The following ASNS variants were observed in gnomAD, a reference collection of about 807,000 sequenced individuals.
ASNS encodes the protein asparagine synthetase (glutamine-hydrolyzing), also known as asparagine synthetase [glutamine-hydrolyzing].
A neutral mutation model predicts 62.6 loss-of-function variants in ASNS; 37 were observed. That is an observed-to-expected ratio of 0.59 (90% CI 0.45 to 0.78). The LOEUF is 0.78. Ranked by LOEUF, ASNS falls within the 30% of genes least tolerant of loss-of-function variation. ASNS has a pLI of 0.00. For synonymous variants in ASNS, 207 were observed against 237.9 expected, an observed-to-expected ratio of 0.87 and a Z score of 1.19; for missense variants, 520 against 682.4, an observed-to-expected ratio of 0.76 and a Z score of 2.65.
At chr7:97,922,044 T>C in the ASNS span, among the ~76,000 whole-genome samples, 1 of 152,284 alleles carries the variant, frequency 6.6e-6, no homozygotes, top group South Asian at 2.1e-4. Context: ...AAATACCACA[T>C]GATCTCACTT....
intron 10 of ASNS, among the ~76,000 whole-genome samples, 164 bp from the exon 11 acceptor site, chr7:97,853,550 T>TA (rs1189112886): frequency 6.6e-6 from 1 of 152,140 alleles, no homozygotes; most frequent in African/African-American, 2.4e-5. Context: ...AATGAATAGA[T>TA]ACAAAAAATA....
the ASNS span, among the ~76,000 whole-genome samples, chr7:97,898,073 G>T: frequency 1.8e-4 from 28 of 151,806 alleles, no homozygotes; most frequent in Non-Finnish European, 3.8e-4. Flanking sequence ...GACTACAGGC[G>T]CATGCCACCA....
the ASNS span, among the ~76,000 whole-genome samples, chr7:97,902,807 C>G: frequency 6.6e-6 from 1 of 152,320 alleles, no homozygotes; most frequent in African/African-American, 2.4e-5. Context: ...ACAGACCCTT[C>G]CAGGATATTC....
At chr7:97,875,079 C>T (rs6979333), upstream of ASNS, among the ~76,000 whole-genome samples, 290 of 150,702 alleles carry the variant, frequency 1.9e-3, no homozygotes, top group South Asian at 3.4e-3. Context: ...GACACCCTAG[C>T]GGTCAGGATG....
At chr7:97,908,515 C>G in the ASNS span, 2 of 151,850 alleles carry the variant, frequency 1.3e-5, no homozygotes, top group Admixed American at 1.3e-4. Flanking sequence ...ATTCTCCTGC[C>G]TCAGTCTCCC....
At chr7:97,859,440 CT>C in intron 4 of ASNS, 42 bp from the exon 5 acceptor site, 3 of 1,523,382 alleles carry the variant, frequency 2.0e-6, no homozygotes, top group Non-Finnish European at 2.7e-6. Context: ...TTAGGTAACC[CT>C]TCCCAATAAC....
chr7:97,912,313 C>T, the ASNS span, among the ~76,000 whole-genome samples: 3 of 152,124 alleles, frequency 2.0e-5, no homozygotes, highest in Non-Finnish European at 4.4e-5. Context: ...TGCCTAAGGT[C>T]CCTTGTGAAT....
At chr7:97,905,749 C>A in the ASNS span, among the ~76,000 whole-genome samples, 1 of 152,204 alleles carries the variant, frequency 6.6e-6, no homozygotes, top group Non-Finnish European at 1.5e-5. Context: ...CTTTATCATC[C>A]GTTCCCTTGG....
the ASNS span, chr7:97,912,950 C>T: frequency 6.6e-6 from 1 of 152,148 alleles, no homozygotes; most frequent in South Asian, 2.1e-4. Context: ...GGAAACATCA[C>T]AGACAAAGAA....
At chr7:97,859,941 C>G (rs1791636076) in intron 4 of ASNS, among the ~76,000 whole-genome samples, 1 of 152,152 alleles carries the variant, frequency 6.6e-6, no homozygotes, top group Non-Finnish European at 1.5e-5. Flanking sequence ...GTGAATAAAA[C>G]CATATAACTT....
intron 9 of ASNS, chr7:97,854,935 G>A (rs1417919055): frequency 3.8e-6 from 2 of 520,984 alleles, no homozygotes; most frequent in Non-Finnish European, 6.4e-6. Flanking sequence ...GGCAGAAAGG[G>A]GATTCTCAAG....
chr7:97,857,580 T>A (rs1328409248), intron 7 of ASNS, among the ~76,000 whole-genome samples: 1 of 146,038 alleles, frequency 6.8e-6, no homozygotes, highest in Non-Finnish European at 1.5e-5. Flanking sequence ...GGTTCCAAAG[T>A]CTGCAGTCTT....
chr7:97,856,092 G>C (rs1398837886), intron 8 of ASNS, among the ~76,000 whole-genome samples: 5 of 152,086 alleles, frequency 3.3e-5, no homozygotes, highest in African/African-American at 7.2e-5. Context: ...CTTATTTACT[G>C]TGATGTTTTG....
the ASNS span, among the ~76,000 whole-genome samples, chr7:97,923,129 A>T: frequency 6.6e-6 from 1 of 152,116 alleles, no homozygotes; most frequent in South Asian, 2.1e-4. Flanking sequence ...AAACATTAAA[A>T]CATAGATTAT....
At chr7:97,884,304 T>C in the ASNS span, among the ~76,000 whole-genome samples, 1 of 152,170 alleles carries the variant, frequency 6.6e-6, no homozygotes, top group East Asian at 1.9e-4. Context: ...ATCTCAGCAC[T>C]TTGGGAAGCT....
At chr7:97,927,914 G>A in the ASNS span, among the ~76,000 whole-genome samples, 1 of 152,380 alleles carries the variant, frequency 6.6e-6, no homozygotes, top group East Asian at 1.9e-4. Flanking sequence ...CTCTGATGCA[G>A]CCCACGGCGA....
the ASNS span, among the ~76,000 whole-genome samples, chr7:97,889,792 A>G: frequency 6.6e-6 from 1 of 151,880 alleles, no homozygotes; most frequent in African/African-American, 2.4e-5. Context: ...AGGAAACATA[A>G]CATCTCCAAA....
intron 9 of ASNS, chr7:97,854,958 T>C (rs1440291352): frequency 9.3e-6 from 4 of 430,102 alleles, no homozygotes; most frequent in Non-Finnish European, 1.6e-5. Flanking sequence ...TAAGTAGTTT[T>C]ATTTATTTAT....
At chr7:97,905,811 C>T in the ASNS span, among the ~76,000 whole-genome samples, 2 of 152,202 alleles carry the variant, frequency 1.3e-5, no homozygotes, top group Admixed American at 1.3e-4. Flanking sequence ...AAATATTTTG[C>T]ACCGTATATG....
Sources: gnomAD v4.1 joint callset for allele counts (sites outside exome capture counted in the v4.1 genomes callset) on GRCh38, gnomAD v4.1.1 for gene constraint, MANE v1.5 for transcripts, NCBI Gene and HGNC (gene_info 2026-07-23, HGNC 2026-07-21) for gene names.